Variants in NEURL1 observed in about 807,000 individuals in gnomAD.
The protein encoded by NEURL1 is neuralized E3 ubiquitin protein ligase 1.
In NEURL1, 26 loss-of-function variants were observed where a neutral mutation model predicts 41.2. The observed-to-expected ratio is 0.63, with a 90% CI of 0.46 to 0.87. NEURL1 has a LOEUF of 0.87. NEURL1 is among the 40% of genes least tolerant of loss of function. The pLI is 0.00. For synonymous variants in NEURL1, 400 were observed against 402.3 expected (o/e 0.99, Z 0.07); for missense variants, 761 against 871.1 (o/e 0.87, Z 1.59).
At chr10:103,559,784 G>T (rs1472620319) in intron 1 of NEURL1, among the ~76,000 whole-genome samples, 3 of 152,116 alleles carry the variant, frequency 2.0e-5, no homozygotes, top group Non-Finnish European at 4.4e-5. Flanking sequence ...TTTTATGAAG[G>T]TTTTTGTGGA....
chr10:103,498,373 C>G (rs948839971), intron 1 of NEURL1, among the ~76,000 whole-genome samples: 17 of 152,182 alleles, frequency 1.1e-4, no homozygotes, highest in African/African-American at 3.6e-4. Context: ...ACTACAGGCG[C>G]CCGCCACCGC....
At chr10:103,519,253 A>AC (rs1297175604) in intron 1 of NEURL1, among the ~76,000 whole-genome samples, 2 of 152,110 alleles carry the variant, frequency 1.3e-5, no homozygotes, top group Admixed American at 6.6e-5. Context: ...TCTCAAAAAA[A>AC]AGAAAGAAAG....
intron 1 of NEURL1, among the ~76,000 whole-genome samples, chr10:103,531,442 G>T (rs901519942): frequency 2.6e-5 from 4 of 152,004 alleles, no homozygotes; most frequent in African/African-American, 7.2e-5. Context: ...GTCTTGCTAT[G>T]TTGCCCAGGC....
intron 1 of NEURL1, among the ~76,000 whole-genome samples, chr10:103,537,652 C>T (rs1474496402): frequency 6.6e-6 from 1 of 152,170 alleles, no homozygotes; most frequent in African/African-American, 2.4e-5. Flanking sequence ...CCTCAGCCTC[C>T]CAAAGTGCTG....
At chr10:103,514,634 G>A (rs1292442402) in intron 1 of NEURL1, among the ~76,000 whole-genome samples, 1 of 152,230 alleles carries the variant, frequency 6.6e-6, no homozygotes, top group Non-Finnish European at 1.5e-5. Flanking sequence ...GGAGAACAGA[G>A]GGAGTAGCCC....
intron 1 of NEURL1, among the ~76,000 whole-genome samples, chr10:103,496,903 A>G (rs1804151095): frequency 6.6e-6 from 1 of 152,016 alleles, no homozygotes; most frequent in Non-Finnish European, 1.5e-5. Flanking sequence ...TTTAATCTAA[A>G]ATTTGGAATT....
chr10:103,505,072 A>ATTTTTTT, intron 1 of NEURL1, among the ~76,000 whole-genome samples: 1 of 150,712 alleles, frequency 6.6e-6, no homozygotes. Flanking sequence ...TTTTAAAGAA[A>ATTTTTTT]CAAAGTCTTG....
At chr10:103,574,209 T>A (rs778248766) in intron 3 of NEURL1, among the ~76,000 whole-genome samples, 10 of 152,174 alleles carry the variant, frequency 6.6e-5, no homozygotes, top group African/African-American at 2.2e-4. Context: ...CCCAGGCTCA[T>A]TGGGAAGTTA....
At chr10:103,522,757 A>G (rs1284146123) in intron 1 of NEURL1, among the ~76,000 whole-genome samples, 1 of 152,162 alleles carries the variant, frequency 6.6e-6, no homozygotes, top group African/African-American at 2.4e-5. Context: ...TGCATTTACT[A>G]GTTGGTGTCT....
chr10:103,582,789 G>C (rs575074928), intron 3 of NEURL1, among the ~76,000 whole-genome samples: 1 of 152,214 alleles, frequency 6.6e-6, no homozygotes, highest in African/African-American at 2.4e-5. Flanking sequence ...CAGGGAGAAG[G>C]CCCAAAGGAA....
rs144504382 is a variant in NEURL1 at position 103,522,768 on chromosome 10, T to G, written c.85+28296T>G. ...AATTTGCATTTACTAGTTGGTGTCT[T>G]GATGCAGAGCCATGATCCGCTGGTT... On this transcript the variant is annotated intron_variant, in intron 1 of 5. Transcript: ENST00000369780. Among the ~76,000 whole-genome samples, 1,004 of 152,284 alleles carry G rather than the reference T, an allele frequency of 6.6e-3. 9 individuals carry two copies. The highest frequency in any genetic ancestry group is 0.023 in the African/African-American group (959 of 41,552).
At chr10:103,521,663 C>A (rs1466988268) in intron 1 of NEURL1, among the ~76,000 whole-genome samples, 3 of 152,108 alleles carry the variant, frequency 2.0e-5, no homozygotes, top group African/African-American at 7.2e-5. Context: ...GCCCGTGAGG[C>A]TGGAAGGAGA....
At chr10:103,569,343 C>T (rs1455046690) in intron 1 of NEURL1, among the ~76,000 whole-genome samples, 1 of 152,180 alleles carries the variant, frequency 6.6e-6, no homozygotes, top group Admixed American at 6.5e-5. Flanking sequence ...AGTAGTATTC[C>T]GTTGAGGAGA....
intron 1 of NEURL1, among the ~76,000 whole-genome samples, chr10:103,539,106 T>C (rs1050660081): frequency 6.6e-6 from 1 of 151,936 alleles, no homozygotes; most frequent in Non-Finnish European, 1.5e-5. Context: ...ACCACCATAC[T>C]TGGCTGATTT....
intron 1 of NEURL1, among the ~76,000 whole-genome samples, chr10:103,504,032 C>T (rs1404432539): frequency 3.3e-5 from 5 of 150,816 alleles, no homozygotes; most frequent in East Asian, 1.9e-4. Context: ...TTCACTCTGT[C>T]GCCCAGGCTG....
Position 103,545,834 on chromosome 10 carries a change from C to T in NEURL1, c.86-25038C>T, listed in dbSNP as rs768775397. On this transcript the variant is annotated intron_variant, in intron 1 of 5. Transcript: ENST00000369780. The surrounding 1 kb of genome is among the most constrained non-coding windows in gnomAD (Gnocchi z 4.5). ...CAGTCCCCACTTTCTCTTTTGGAGA[C>T]GTGTGTGGTGCTGAAGCTCTGACCC... Among the ~76,000 whole-genome samples the T allele has an allele frequency of 7.9e-5, 12 of 152,162 alleles. No individual in the cohort carries two copies. Among genetic ancestry groups the T allele is most frequent in the African/African-American group, 1.4e-4 (6 of 41,442 alleles).
At chr10:103,576,069 C>A (rs373282924) in intron 3 of NEURL1, among the ~76,000 whole-genome samples, 96 of 152,342 alleles carry the variant, frequency 6.3e-4, no homozygotes, top group Middle Eastern at 6.8e-3. Flanking sequence ...ACAGAAGAAT[C>A]AAAAACCCAG....
At chr10:103,538,004 G>A (rs947977563) in intron 1 of NEURL1, among the ~76,000 whole-genome samples, 4 of 152,122 alleles carry the variant, frequency 2.6e-5, no homozygotes, top group Admixed American at 1.3e-4. Flanking sequence ...GAATGATACA[G>A]TATGGTCTCT....
intron 3 of NEURL1, among the ~76,000 whole-genome samples, chr10:103,580,668 G>T (rs76723362): frequency 2.0e-5 from 3 of 152,142 alleles, no homozygotes; most frequent in Non-Finnish European, 4.4e-5. Context: ...TTTTGGAGCT[G>T]CTGGCTGCCT....
Sources: allele counts gnomAD v4.1 joint callset (sites outside exome capture counted in the v4.1 genomes callset), GRCh38; gene constraint gnomAD v4.1.1; non-coding constraint Gnocchi (gnomAD v3.1); transcripts MANE v1.5; gene names NCBI Gene and HGNC (gene_info 2026-07-23, HGNC 2026-07-21).